The following FUS variants were observed in gnomAD, a reference collection of about 807,000 sequenced individuals.
The protein encoded by FUS is FUS RNA binding protein, also known as RNA-binding protein FUS.
FUS carries 5 observed loss-of-function variants against 82.7 expected under a neutral mutation model. That is an observed-to-expected ratio of 0.06 (90% CI 0.03 to 0.13). FUS has a LOEUF of 0.13. Among genes scored for constraint, FUS ranks in the 10% least tolerant of loss-of-function variants. FUS has a pLI of 1.00. For synonymous variants in FUS, 281 were observed against 247.4 expected, an observed-to-expected ratio of 1.14 and a Z score of -1.27; for missense variants, 512 against 707.8, an observed-to-expected ratio of 0.72 and a Z score of 3.14.
downstream of FUS, chr16:31,194,667 C>T (rs1038898565): frequency 1.8e-5 from 9 of 487,556 alleles, no homozygotes; most frequent in East Asian, 9.6e-5. Flanking sequence ...TATTTCTGTA[C>T]ATGTACACAT....
At chr16:31,191,794 G>A (rs886051940), downstream of FUS, 11 of 580,578 alleles carry the variant, frequency 1.9e-5, no homozygotes, top group Non-Finnish European at 3.2e-5. Flanking sequence ...GTGTATAAAT[G>A]AGAAATGAAG....
downstream of FUS, chr16:31,192,668 C>G (rs886051945): frequency 8.3e-6 from 4 of 482,156 alleles, no homozygotes; most frequent in Admixed American, 2.3e-5. Context: ...TTAAGCGATT[C>G]TCCTGCCTCA....
intron 1 of FUS, among the ~76,000 whole-genome samples, chr16:31,181,018 T>C (rs989408106): frequency 2.6e-5 from 4 of 152,130 alleles, no homozygotes; most frequent in Admixed American, 2.6e-4. Context: ...GTTCAAGTGA[T>C]TCTTCTGCCT....
In FUS at chr16:31,188,579, G is replaced by T. The variant is rs2079306865; in HGVS notation, c.832+222G>T. ...ACCCCCAGTGATTTAGGTCTGAGAG[G>T]ACCCTGAAAATCTACCTTTCTAACA... On this transcript the variant is annotated intron_variant, in intron 8 of 14. Transcript: ENST00000254108. The T allele has an allele frequency of 2.0e-5, 12 of 605,102 alleles. No individual in the cohort carries two copies. The South Asian group carries it at 2.4e-4, about 12-fold the overall frequency. The allele number at this position is 605,102 out of a possible 1,614,324, so 37.5% of individuals were successfully genotyped here.
At chr16:31,186,891 G>T in intron 7 of FUS, 55 bp downstream of exon 7, 1 of 1,514,838 alleles carries the variant, frequency 6.6e-7, no homozygotes, top group South Asian at 1.1e-5. Flanking sequence ...TTGTCTGATT[G>T]TTCATTTGCA....
downstream of FUS, chr16:31,194,603 C>A (rs1456607254): frequency 2.0e-6 from 1 of 494,768 alleles, no homozygotes; most frequent in Non-Finnish European, 4.0e-6. Context: ...CTGTGTCCGG[C>A]TATGAAAATT....
In FUS at chr16:31,186,846, C is replaced by A. The variant is rs1596902117; in HGVS notation, c.799+10C>A. On this transcript the variant is annotated intron_variant, in intron 7 of 14. Coordinates refer to ENST00000254108, the MANE Select transcript of FUS (RefSeq NM_004960.4). Reference sequence around the variant, plus strand: ...TTCAATAAATTTGGTGGTAAGTGAACAGAGTTTCCAAAATTCCCAACTCCC... The same window carrying A: ...TTCAATAAATTTGGTGGTAAGTGAAAAGAGTTTCCAAAATTCCCAACTCCC... The A allele has an allele frequency of 6.2e-7, 1 of 1,612,588 alleles. No homozygotes were observed. Among genetic ancestry groups the A allele is most frequent in the Admixed American group, 1.7e-5 (1 of 60,028 alleles).
chr16:31,191,377 A>T lies in FUS; in HGVS notation c.1542-22A>T, dbSNP rs546060289. ...GTAACTCAAATATAATGGATACTTA[A>T]TTTTTTTTTTTTTTTTTGCAGGGGT... On this transcript the variant is annotated intron_variant, in intron 14 of 14. Transcript: ENST00000254108. The T allele has an allele frequency of 8.4e-5, 128 of 1,527,256 alleles. No homozygotes were observed. The East Asian group carries it at 2.2e-3, about 26-fold the overall frequency. 94.6% of individuals were successfully genotyped at this position (1,527,256 alleles called of 1,614,324 possible). A position where few individuals can be genotyped will look rare whatever the true frequency, so the allele number is the denominator to read the frequency against.
At chr16:31,193,357 T>G, downstream of FUS, 1 of 524,910 alleles carries the variant, frequency 1.9e-6, no homozygotes, top group Non-Finnish European at 3.7e-6. Context: ...TTAGTACATG[T>G]AGAGGATGTG....
downstream of FUS, chr16:31,193,169 C>T (rs546310870): frequency 3.9e-5 from 19 of 487,922 alleles, no homozygotes; most frequent in South Asian, 1.2e-4. Context: ...CTCGAACTCC[C>T]GACCTCAGGT....
chr16:31,183,706 A>AG (rs2079215076), intron 3 of FUS, 152 bp from the exon 4 acceptor site: 2 of 894,174 alleles, frequency 2.2e-6, no homozygotes, highest in East Asian at 5.0e-5. Context: ...CTTTGAAAGG[A>AG]GGGTAACTAT....
Position 31,189,122 on chromosome 16 carries a change from G to C in FUS, c.833-1G>C. 6.2e-7 allele frequency: 1 copy of C among 1,611,324 alleles called. No homozygotes were observed. ...TTGCATTTTCTCTGTTCAACAAGCA[G>C]AACAGGATAATTCAGACAACAACAC... On this transcript the variant is annotated splice_acceptor_variant, in intron 8 of 14. Coordinates refer to ENST00000254108, the MANE Select transcript of FUS (RefSeq NM_004960.4). LOFTEE classifies it high-confidence loss of function.
chr16:31,192,274 A>C (rs922432677), downstream of FUS: 8 of 525,576 alleles, frequency 1.5e-5, no homozygotes, highest in Non-Finnish European at 2.2e-5. Context: ...AGGCCCTCCT[A>C]AGGGAATGAT....
intron 10 of FUS, 61 bp from the exon 11 acceptor site, chr16:31,189,979 T>C: frequency 6.4e-7 from 1 of 1,563,692 alleles, no homozygotes; most frequent in Non-Finnish European, 8.7e-7. Context: ...ACGCTTCTCT[T>C]GTATTTTCGG....
At chr16:31,180,687 G>A (rs2058044263) in intron 1 of FUS, among the ~76,000 whole-genome samples, 1 of 152,140 alleles carries the variant, frequency 6.6e-6, no homozygotes, top group Non-Finnish European at 1.5e-5. Flanking sequence ...GCTTTCTGTC[G>A]CGAGACCCTT....
chr16:31,192,292 AAG>A (rs1393631223), downstream of FUS: 25 of 526,510 alleles, frequency 4.7e-5, no homozygotes, highest in African/African-American at 3.6e-4. Flanking sequence ...GATAAGTGAT[AAG>A]AGGGGGAAGG....
At position 31,190,951 on chromosome 16, in the gene FUS, CT is replaced by C. The variant is rs975778501; in HGVS notation, c.1394-8del. On this transcript the variant is annotated splice_polypyrimidine_tract_variant and intron_variant, in intron 13 of 14. Coordinates refer to ENST00000254108, the MANE Select transcript of FUS (RefSeq NM_004960.4). ...AATGGGAATATGATAGATCTTGTTT[CT>C]TTTGTCCTAGGGGGTAACTACGGGG... 1.9e-6 allele frequency: 3 copies of C among 1,610,372 alleles called. No homozygotes were observed. The African/African-American group carries it at 4.0e-5, about 22-fold the overall frequency.
At chr16:31,188,733 A>G in intron 8 of FUS, 1 of 470,266 alleles carries the variant, frequency 2.1e-6, no homozygotes, top group South Asian at 2.5e-5. Context: ...GAAGTAAAGC[A>G]TTGAACTCCT....
chr16:31,187,547 C>T (rs2079288578), intron 7 of FUS: 2 of 229,516 alleles, frequency 8.7e-6, no homozygotes, highest in African/African-American at 4.4e-5. Context: ...GAGAAGTCTC[C>T]CAGTAAGCTG....
Sources: gnomAD v4.1 joint callset for allele counts (sites outside exome capture counted in the v4.1 genomes callset) on GRCh38, gnomAD v4.1.1 for gene constraint, MANE v1.5 for transcripts, NCBI Gene and HGNC (gene_info 2026-07-23, HGNC 2026-07-21) for gene names.